Variants in NF2 observed in about 807,000 individuals in gnomAD.
NF2 encodes merlin.
A neutral mutation model predicts 83.7 loss-of-function variants in NF2; 8 were observed. The observed-to-expected ratio is 0.10, with a 90% CI of 0.06 to 0.17. NF2 has a LOEUF of 0.17. NF2 is among the 10% of genes least tolerant of loss of function. The pLI, the probability that NF2 is intolerant of heterozygous loss-of-function variation, is 1.00. For synonymous variants in NF2, 266 were observed against 269.6 expected (o/e 0.99, Z 0.13); for missense variants, 533 against 744.4 (o/e 0.72, Z 3.31).
chr22:29,636,639 C>A lies in NF2; in HGVS notation c.115-112C>A. ...TATTTAGGAATTCAGTCCTCATCAG[C>A]TGTCTTAGTGTCATCCCCACGTTTT... On this transcript the variant is annotated intron_variant, in intron 1 of 15. Coordinates refer to ENST00000338641, the MANE Select transcript of NF2 (RefSeq NM_000268.4). This position sits in a 1 kb window ranked among gnomAD's most constrained non-coding sequence, Gnocchi z 4.4. 7.4e-7 allele frequency: 1 copy of A among 1,347,836 alleles called. No homozygotes were observed. The highest frequency in any genetic ancestry group is 1.1e-6 in the Non-Finnish European group (1 of 940,676). 83.5% of individuals were successfully genotyped at this position (1,347,836 alleles called of 1,614,324 possible).
chr22:29,605,601 G>A (rs1047826106), intron 1 of NF2, among the ~76,000 whole-genome samples: 1 of 152,006 alleles, frequency 6.6e-6, no homozygotes, highest in Admixed American at 6.6e-5. Flanking sequence ...CAGCCACCAC[G>A]CCTGGCCCAA....
chr22:29,667,268 C>T (rs1423881216), intron 9 of NF2, among the ~76,000 whole-genome samples: 1 of 151,696 alleles, frequency 6.6e-6, no homozygotes, highest in Non-Finnish European at 1.5e-5. Context: ...GATAGGGTCT[C>T]ACTCTGTTGC....
intron 1 of NF2, among the ~76,000 whole-genome samples, chr22:29,612,494 T>TG (rs1051667744): frequency 4.0e-4 from 60 of 151,142 alleles, no homozygotes; most frequent in Non-Finnish European, 7.7e-4. Flanking sequence ...AGCTTTTTTT[T>TG]TTTGTTTGTT....
chr22:29,693,881 A>G (rs2067473237), intron 15 of NF2, among the ~76,000 whole-genome samples: 1 of 152,224 alleles, frequency 6.6e-6, no homozygotes, highest in Admixed American at 6.5e-5. Flanking sequence ...GAAATGGAAC[A>G]CAGTCACACC....
chr22:29,679,454 G>A (rs981858005), intron 14 of NF2, among the ~76,000 whole-genome samples: 1 of 152,194 alleles, frequency 6.6e-6, no homozygotes, highest in African/African-American at 2.4e-5. Flanking sequence ...GTTGGGATCC[G>A]GGATCAGGGT....
chr22:29,679,859 CT>C (rs2067075879), intron 14 of NF2, among the ~76,000 whole-genome samples: 1 of 147,192 alleles, frequency 6.8e-6, no homozygotes, highest in South Asian at 2.1e-4. Flanking sequence ...GAGAGACACC[CT>C]GTCTCAAAAA....
At chr22:29,658,847 C>T (rs1284307782) in intron 7 of NF2, among the ~76,000 whole-genome samples, 1 of 152,084 alleles carries the variant, frequency 6.6e-6, no homozygotes, top group Non-Finnish European at 1.5e-5. Context: ...TATCTGGATG[C>T]AGTGTATAGG....
chr22:29,643,225 T>A (rs1284122171), intron 4 of NF2, among the ~76,000 whole-genome samples: 2 of 152,018 alleles, frequency 1.3e-5, no homozygotes, highest in East Asian at 3.8e-4. Flanking sequence ...AAGTGATCCT[T>A]CCACCTTGGC....
chr22:29,628,908 G>A (rs2065439770), intron 1 of NF2, among the ~76,000 whole-genome samples: 1 of 152,166 alleles, frequency 6.6e-6, no homozygotes, highest in Admixed American at 6.5e-5. Flanking sequence ...TGGAGTTACA[G>A]GCATGAGCCA....
intron 13 of NF2, among the ~76,000 whole-genome samples, chr22:29,677,774 G>A (rs2067009843): frequency 6.6e-6 from 1 of 152,238 alleles, no homozygotes; most frequent in African/African-American, 2.4e-5. Context: ...CCTGGCTACA[G>A]TGTTTACCTT....
chr22:29,645,162 C>T (rs115875966), intron 4 of NF2, among the ~76,000 whole-genome samples: 84 of 152,246 alleles, frequency 5.5e-4, no homozygotes, highest in African/African-American at 2.0e-3. Context: ...AAAGGCTATA[C>T]ATGCTAGTCA....
rs761959310 is a variant in NF2 at position 29,694,592 on chromosome 22, G to A, written c.1738-160G>A. 3.3e-5 allele frequency among the ~76,000 whole-genome samples: 5 copies of A among 152,190 alleles called. No homozygotes were observed. The highest frequency in any genetic ancestry group is 7.2e-5 in the African/African-American group (3 of 41,436). ...TTTGAATTATTGGGCAAATCTGGCC[G>A]CTTATTTGGGACTGACAGCCAACTT... On this transcript the variant is annotated intron_variant, in intron 15 of 15. Transcript: ENST00000338641. This position sits in a 1 kb window ranked among gnomAD's most constrained non-coding sequence, Gnocchi z 4.1.
chr22:29,622,275 C>G (rs912986645), intron 1 of NF2, among the ~76,000 whole-genome samples: 2 of 152,156 alleles, frequency 1.3e-5, no homozygotes, highest in African/African-American at 4.8e-5. Flanking sequence ...ACTAACGATC[C>G]GTGCTACATT....
intron 10 of NF2, 56 bp from the exon 11 acceptor site, chr22:29,671,770 G>T (rs2147069755): frequency 6.2e-7 from 1 of 1,611,296 alleles, no homozygotes; most frequent in East Asian, 2.2e-5. Flanking sequence ...GGCCCTTGTG[G>T]CACCCTAGGT....
At chr22:29,681,926 T>C (rs1054668461) in intron 15 of NF2, among the ~76,000 whole-genome samples, 8 of 152,114 alleles carry the variant, frequency 5.3e-5, no homozygotes, top group African/African-American at 1.9e-4. Flanking sequence ...GGAGCTGCCT[T>C]ACTTTATGAG....
intron 11 of NF2, among the ~76,000 whole-genome samples, chr22:29,672,547 C>T (rs11703676): frequency 6.6e-6 from 1 of 151,530 alleles, no homozygotes; most frequent in Non-Finnish European, 1.5e-5. Context: ...CTCCTGACCT[C>T]GTGATCTGCC....
intron 9 of NF2, 104 bp from the exon 10 acceptor site, chr22:29,668,229 T>G: frequency 1.3e-6 from 1 of 797,730 alleles, no homozygotes; most frequent in Non-Finnish European, 2.2e-6. Context: ...TCTTCACGTT[T>G]ACTGCTACCT....
At chr22:29,624,825 C>CTT (rs1491589367) in intron 1 of NF2, among the ~76,000 whole-genome samples, 1 of 140,344 alleles carries the variant, frequency 7.1e-6, no homozygotes, top group African/African-American at 2.7e-5. Context: ...TTCTTTCTTT[C>CTT]TTTCTTTCTT....
In NF2 at chr22:29,678,368, C is replaced by T. The variant is rs775476241; in HGVS notation, c.1574+45C>T. The T allele has an allele frequency of 4.4e-6, 7 of 1,609,012 alleles. No homozygotes were observed. In the African/African-American group the frequency reaches 8.0e-5, roughly 18 times the overall value. ...CTGCTGTGGGCAGCTGTGAACTAGA[C>T]TGAGTGATTGGGGCCTTGGGAAGCT... On this transcript the variant is annotated intron_variant, in intron 14 of 15. Coordinates refer to ENST00000338641, the MANE Select transcript of NF2 (RefSeq NM_000268.4).
Sources: gnomAD v4.1 joint callset for allele counts (sites outside exome capture counted in the v4.1 genomes callset) on GRCh38, gnomAD v4.1.1 for gene constraint, Gnocchi (gnomAD v3.1) non-coding constraint, MANE v1.5 for transcripts, NCBI Gene and HGNC (gene_info 2026-07-23, HGNC 2026-07-21) for gene names.